ODR4: variants seen among roughly 807,000 people sequenced by gnomAD.
ODR4 encodes the protein odr-4 GPCR localization factor homolog.
A neutral mutation model predicts 60.2 loss-of-function variants in ODR4; 47 were observed. That is an observed-to-expected ratio of 0.78 (90% CI 0.62 to 1.00). ODR4 has a LOEUF of 1.00. Ranked by LOEUF, ODR4 falls within the 50% of genes least tolerant of loss-of-function variation. The pLI is 0.00. For missense variants in ODR4, 488 were observed against 530.8 expected, an observed-to-expected ratio of 0.92 and a Z score of 0.79; for synonymous variants, 178 against 175.5, an observed-to-expected ratio of 1.01 and a Z score of -0.11.
intron 12 of ODR4, among the ~76,000 whole-genome samples, chr1:186,414,442 T>C (rs1290944564): frequency 1.3e-5 from 2 of 152,028 alleles, no homozygotes; most frequent in African/African-American, 4.8e-5. Context: ...CAAACAGGTA[T>C]AATTCATACC....
Position 186,398,306 on chromosome 1 carries a change from C to T in ODR4, c.781-7C>T. 1 of 1,573,140 alleles carries T rather than the reference C, an allele frequency of 6.4e-7. No homozygotes were observed. The highest frequency in any genetic ancestry group is 8.6e-7 in the Non-Finnish European group (1 of 1,160,700). ...TTATTAGAACTTAAACAGATTTTGTCTTTCAGCTCCTGAATTCAGACCACA... is the reference window on the plus strand; with the variant it reads ...TTATTAGAACTTAAACAGATTTTGTTTTTCAGCTCCTGAATTCAGACCACA... On this transcript the variant is annotated splice_region_variant and splice_polypyrimidine_tract_variant and intron_variant, in intron 9 of 13. Transcript: ENST00000287859.
the ODR4 span, among the ~76,000 whole-genome samples, chr1:186,427,406 C>T: frequency 1.3e-5 from 2 of 152,194 alleles, no homozygotes; most frequent in Non-Finnish European, 2.9e-5. Context: ...TTTATTTGCT[C>T]ATCCTTAAGA....
intron 8 of ODR4, among the ~76,000 whole-genome samples, chr1:186,393,265 C>T (rs1415367834): frequency 6.6e-6 from 1 of 152,034 alleles, no homozygotes; most frequent in East Asian, 1.9e-4. Flanking sequence ...TGCACATGTA[C>T]TCATGAACTT....
At chr1:186,391,540 C>CT in intron 7 of ODR4, among the ~76,000 whole-genome samples, 156 bp from the exon 8 acceptor site, 2 of 151,316 alleles carry the variant, frequency 1.3e-5, no homozygotes, top group East Asian at 1.9e-4. Flanking sequence ...TGGGGGTATA[C>CT]TTTTTTTTAA....
intron 13 of ODR4, among the ~76,000 whole-genome samples, chr1:186,417,968 A>AT (rs1661635422): frequency 6.6e-6 from 1 of 152,214 alleles, no homozygotes; most frequent in South Asian, 2.1e-4. Flanking sequence ...TAGAATTACT[A>AT]TTGCAGGAGA....
intron 12 of ODR4, chr1:186,411,663 A>C: frequency 6.4e-6 from 1 of 155,494 alleles, no homozygotes; most frequent in Non-Finnish European, 1.4e-5. Flanking sequence ...ATAACGTAAA[A>C]ATCTTAGATA....
intron 2 of ODR4, among the ~76,000 whole-genome samples, chr1:186,382,692 A>G (rs1161202024): frequency 6.6e-6 from 1 of 152,186 alleles, no homozygotes; most frequent in African/African-American, 2.4e-5. Flanking sequence ...GAATAAGCAT[A>G]TTACTTTTTA....
intron 12 of ODR4, among the ~76,000 whole-genome samples, chr1:186,407,605 A>G (rs907121368): frequency 1.2e-4 from 19 of 152,086 alleles, no homozygotes; most frequent in Non-Finnish European, 2.6e-4. Flanking sequence ...TCTTTATTCT[A>G]AATACCAATC....
rs1209337978 is a variant in ODR4, at chr1:186,388,528, C to G, written c.417C>G (p.His139Gln). ...EEEVSERVTL[H>Q]ICASTKKIFC... is the part of the protein sequence containing the mutation. ...AAGTCTCAGAACGAGTGACACTTCACATTTGTGCTTCTACAAAAAAGTATC... is the reference window on the plus strand; with the variant it reads ...AAGTCTCAGAACGAGTGACACTTCAGATTTGTGCTTCTACAAAAAAGTATC... Residue 139 changes from histidine (H) to glutamine (Q), a missense_variant, in exon 5 of 14, where the codon CAC becomes CAG. Coordinates refer to ENST00000287859, the MANE Select transcript of ODR4 (RefSeq NM_017847.6). 1 of 1,546,798 alleles carries G rather than the reference C, an allele frequency of 6.5e-7. No individual in the cohort carries two copies. The highest frequency in any genetic ancestry group is 1.4e-5 in the African/African-American group (1 of 72,704).
chr1:186,426,482 G>A, the ODR4 span, among the ~76,000 whole-genome samples: 2 of 152,192 alleles, frequency 1.3e-5, no homozygotes, highest in Non-Finnish European at 2.9e-5. Context: ...CCACAGCATG[G>A]TGATTGAATT....
chr1:186,433,362 T>C, the ODR4 span, among the ~76,000 whole-genome samples: 1 of 152,080 alleles, frequency 6.6e-6, no homozygotes, highest in Non-Finnish European at 1.5e-5. Flanking sequence ...GTATAATTTA[T>C]TCCTTGAACA....
At chr1:186,390,908 T>C in intron 7 of ODR4, 57 bp downstream of exon 7, 1 of 1,493,098 alleles carries the variant, frequency 6.7e-7, no homozygotes. Flanking sequence ...TCTGCTTTTA[T>C]TCTGCTTACA....
At chr1:186,423,490 T>G (rs1031215155), downstream of ODR4, among the ~76,000 whole-genome samples, 1 of 137,808 alleles carries the variant, frequency 7.3e-6, no homozygotes, top group Non-Finnish European at 1.5e-5. Flanking sequence ...AGTCTCGCTC[T>G]GTCACCCAGG....
chr1:186,418,940 C>A, intron 13 of ODR4, 69 bp from the exon 14 acceptor site: 1 of 1,344,144 alleles, frequency 7.4e-7, no homozygotes, highest in Non-Finnish European at 1.0e-6. Context: ...CATTTCAGAG[C>A]CTAGGATTAG....
In ODR4 at chr1:186,375,910, C is replaced by A. The variant is rs964716527; in HGVS notation, c.-84C>A. The A allele has an allele frequency of 4.8e-6, 1 of 206,758 alleles. No individual in the cohort carries two copies. Among genetic ancestry groups the A allele is most frequent in the South Asian group, 6.1e-5 (1 of 16,478 alleles). The allele number at this position is 206,758 out of a possible 1,614,324, so 12.8% of individuals were successfully genotyped here. A position where few individuals can be genotyped will look rare whatever the true frequency, so the allele number is the denominator to read the frequency against. On this transcript the variant is annotated 5_prime_UTR_variant, in exon 1 of 14. Transcript: ENST00000287859. ...AGAGGCTGGTACTTGGGCCCGAAACCCCCATCTCCGGCGGAGAGACCGTCC... is the reference window on the plus strand; with the variant it reads ...AGAGGCTGGTACTTGGGCCCGAAACACCCATCTCCGGCGGAGAGACCGTCC...
intron 11 of ODR4, among the ~76,000 whole-genome samples, chr1:186,400,077 C>T (rs999058447): frequency 6.1e-5 from 9 of 148,038 alleles, no homozygotes; most frequent in Admixed American, 2.0e-4. Context: ...CTGCAAGCTC[C>T]GCCTCCCGGG....
intron 2 of ODR4, among the ~76,000 whole-genome samples, chr1:186,382,223 A>G (rs947955335): frequency 2.7e-5 from 4 of 149,560 alleles, no homozygotes; most frequent in African/African-American, 9.8e-5. Flanking sequence ...TGGGCAACAT[A>G]GCAAGACTCT....
At chr1:186,382,386 C>A (rs892584263) in intron 2 of ODR4, among the ~76,000 whole-genome samples, 1 of 151,846 alleles carries the variant, frequency 6.6e-6, no homozygotes, top group African/African-American at 2.4e-5. Context: ...GATCACACCA[C>A]TGCACTCCAG....
chr1:186,409,721 T>C (rs540776719), intron 12 of ODR4, among the ~76,000 whole-genome samples: 1 of 152,244 alleles, frequency 6.6e-6, no homozygotes, highest in Admixed American at 6.5e-5. Context: ...AATTTTTGTA[T>C]TGTTAATAGA....
Sources: allele counts gnomAD v4.1 joint callset (sites outside exome capture counted in the v4.1 genomes callset), GRCh38; gene constraint gnomAD v4.1.1; transcripts MANE v1.5; gene names NCBI Gene and HGNC (gene_info 2026-07-23, HGNC 2026-07-21).